The following MBNL1 variants were observed in gnomAD, a reference collection of about 807,000 sequenced individuals.
MBNL1 encodes muscleblind like splicing regulator 1.
In MBNL1, 8 loss-of-function variants were observed where a neutral mutation model predicts 42.2. That is an observed-to-expected ratio of 0.19 (90% CI 0.11 to 0.34). MBNL1 has a LOEUF of 0.34. Ranked by LOEUF, MBNL1 falls within the 10% of genes least tolerant of loss-of-function variation. The pLI is 1.00. For synonymous variants in MBNL1, 169 were observed against 173.9 expected, an observed-to-expected ratio of 0.97 and a Z score of 0.22; for missense variants, 309 against 495.3, an observed-to-expected ratio of 0.62 and a Z score of 3.57.
At chr3:152,345,230 T>C (rs900373126) in intron 2 of MBNL1, among the ~76,000 whole-genome samples, 1 of 152,130 alleles carries the variant, frequency 6.6e-6, no homozygotes, top group African/African-American at 2.4e-5. Flanking sequence ...TAAAACCCTT[T>C]ACACATGAAA....
intron 2 of MBNL1, among the ~76,000 whole-genome samples, chr3:152,258,647 G>A (rs1177727174): frequency 6.6e-6 from 1 of 152,166 alleles, no homozygotes; most frequent in South Asian, 2.1e-4. Flanking sequence ...GTCATACTTG[G>A]TATGTATATA....
chr3:152,432,990 G>A, intron 4 of MBNL1, 70 bp downstream of exon 4: 1 of 1,475,816 alleles, frequency 6.8e-7, no homozygotes, highest in Non-Finnish European at 9.3e-7. Flanking sequence ...TTGTTTGTTT[G>A]TGTGTTTCCA....
Position 152,446,801 on chromosome 3 carries a change from G to C in MBNL1, c.808-819G>C. On this transcript the variant is annotated intron_variant, in intron 5 of 9. Coordinates refer to ENST00000324210, the MANE Select transcript of MBNL1 (RefSeq NM_021038.5). ...TTTTAGCTTGGCATGTAGCTTTATT[G>C]TAGATACAAGTTTTTTTTTTAAATC... The C allele has an allele frequency of 2.6e-6, 4 of 1,514,370 alleles. No homozygotes were observed. In the South Asian group the frequency reaches 3.6e-5, roughly 14 times the overall value. The allele number at this position is 1,514,370 out of a possible 1,614,324, so 93.8% of individuals were successfully genotyped here. A position where few individuals can be genotyped will look rare whatever the true frequency, so the allele number is the denominator to read the frequency against.
intron 3 of MBNL1, among the ~76,000 whole-genome samples, chr3:152,418,193 T>C (rs2098734980): frequency 6.6e-6 from 1 of 152,240 alleles, no homozygotes; most frequent in Admixed American, 6.5e-5. Flanking sequence ...AGTAGTAATG[T>C]TACCCTAAAT....
chr3:152,275,016 C>T (rs2044121744), intron 1 of MBNL1, among the ~76,000 whole-genome samples: 1 of 152,176 alleles, frequency 6.6e-6, no homozygotes, highest in Non-Finnish European at 1.5e-5. Context: ...CCATTTTCAG[C>T]TTATTGTATC....
chr3:152,339,699 G>T (rs1269799307), intron 2 of MBNL1: 1 of 151,880 alleles, frequency 6.6e-6, no homozygotes. Flanking sequence ...TAATTTCAAT[G>T]GCCAAAAATG....
At chr3:152,316,051 T>G (rs1475507408) in intron 2 of MBNL1, among the ~76,000 whole-genome samples, 1 of 152,212 alleles carries the variant, frequency 6.6e-6, no homozygotes, top group Non-Finnish European at 1.5e-5. Context: ...CCCAAGGGTT[T>G]GCTTGACTTT....
intron 6 of MBNL1, among the ~76,000 whole-genome samples, chr3:152,448,897 G>A (rs577107331): frequency 6.6e-6 from 1 of 152,246 alleles, no homozygotes; most frequent in Non-Finnish European, 1.5e-5. Context: ...GAAATAGCCA[G>A]TGCCCCAGAC....
At chr3:152,313,424 A>G (rs753540475) in intron 2 of MBNL1, among the ~76,000 whole-genome samples, 2 of 152,186 alleles carry the variant, frequency 1.3e-5, no homozygotes, top group Non-Finnish European at 2.9e-5. Flanking sequence ...TCCTAGTGAC[A>G]TTGTGCCAAT....
intron 2 of MBNL1, chr3:152,340,907 T>C: frequency 1.2e-6 from 2 of 1,603,714 alleles, no homozygotes; most frequent in Non-Finnish European, 1.7e-6. Flanking sequence ...ATCTGCATTG[T>C]TCTCTTCTAA....
intron 1 of MBNL1, among the ~76,000 whole-genome samples, chr3:152,272,813 A>G (rs1305392596): frequency 2.6e-5 from 4 of 152,212 alleles, no homozygotes; most frequent in Non-Finnish European, 5.9e-5. Context: ...ACAAAGCACA[A>G]TGGCATAGGT....
intron 1 of MBNL1, among the ~76,000 whole-genome samples, chr3:152,275,547 A>G (rs1415465548): frequency 6.6e-6 from 1 of 151,762 alleles, no homozygotes; most frequent in African/African-American, 2.4e-5. Flanking sequence ...CGTCTCTACT[A>G]AAATACAAAA....
intron 1 of MBNL1, among the ~76,000 whole-genome samples, chr3:152,286,375 T>C (rs190811216): frequency 0.01 from 1,320 of 130,968 alleles, 109 homozygotes; most frequent in African/African-American, 0.033. Flanking sequence ...ATTTATAATA[T>C]AAATATTTAA....
chr3:152,367,332 C>T (rs964699395), intron 2 of MBNL1, among the ~76,000 whole-genome samples: 1 of 152,124 alleles, frequency 6.6e-6, no homozygotes, highest in African/African-American at 2.4e-5. Flanking sequence ...CCAGCTTCAT[C>T]CATGTCCCTG....
intron 2 of MBNL1, among the ~76,000 whole-genome samples, chr3:152,300,570 C>T (rs2151507803): frequency 6.6e-6 from 1 of 152,064 alleles, no homozygotes; most frequent in East Asian, 1.9e-4. Flanking sequence ...CTTTATCAGT[C>T]CTTTCACTGC....
intron 4 of MBNL1, among the ~76,000 whole-genome samples, chr3:152,442,834 C>T (rs1009110149): frequency 6.6e-6 from 1 of 152,200 alleles, no homozygotes. Context: ...TCCCACTGGC[C>T]TGTAACTCTC....
At chr3:152,370,375 A>G (rs1322368521) in intron 2 of MBNL1, among the ~76,000 whole-genome samples, 1 of 151,978 alleles carries the variant, frequency 6.6e-6, no homozygotes, top group Non-Finnish European at 1.5e-5. Flanking sequence ...GACTGTTATG[A>G]TTTCTGTTCT....
At chr3:152,450,791 T>G (rs2030532) in intron 6 of MBNL1, among the ~76,000 whole-genome samples, 1 of 152,236 alleles carries the variant, frequency 6.6e-6, no homozygotes, top group African/African-American at 2.4e-5. Context: ...TATGGTCTTA[T>G]GATTTTTTCC....
chr3:152,275,299 C>A (rs1423533427), intron 1 of MBNL1, among the ~76,000 whole-genome samples: 4 of 152,100 alleles, frequency 2.6e-5, no homozygotes, highest in African/African-American at 9.7e-5. Context: ...TTCAGTATTC[C>A]CCTATCAAAG....
Sources: gnomAD v4.1 joint callset for allele counts (sites outside exome capture counted in the v4.1 genomes callset) on GRCh38, gnomAD v4.1.1 for gene constraint, MANE v1.5 for transcripts, NCBI Gene and HGNC (gene_info 2026-07-23, HGNC 2026-07-21) for gene names.